Variants in MIPEP observed in about 807,000 individuals in gnomAD.
MIPEP encodes mitochondrial intermediate peptidase.
MIPEP carries 79 observed loss-of-function variants against 90.3 expected under a neutral mutation model. The observed-to-expected ratio is 0.87, with a 90% CI of 0.73 to 1.05. The LOEUF is 1.05. Among genes scored for constraint, MIPEP ranks in the 50% least tolerant of loss-of-function variants. The pLI, the probability that MIPEP is intolerant of heterozygous loss-of-function variation, is 0.00. For missense variants in MIPEP, 940 were observed against 905.6 expected (o/e 1.04, Z -0.49); for synonymous variants, 334 against 315.8 (o/e 1.06, Z -0.61).
Position 23,889,277 on chromosome 13 carries a change from G to A in MIPEP, c.44C>T (p.Ala15Val), listed in dbSNP as rs1163753832. 10 of 1,375,612 alleles carry A rather than the reference G, an allele frequency of 7.3e-6. No individual in the cohort carries two copies. The highest frequency in any genetic ancestry group is 4.4e-4 in the Middle Eastern group (2 of 4,500). The allele number at this position is 1,375,612 out of a possible 1,614,324, so 85.2% of individuals were successfully genotyped here. The change falls in exon 1 of 19, where the codon GCA becomes GTA. Residue 15 changes from alanine (A) to valine (V), a missense_variant. By Grantham distance (64) the Ala-to-Val change is moderately conservative. Coordinates refer to ENST00000382172, the MANE Select transcript of MIPEP (RefSeq NM_005932.4). ...GRLGGLGARAAALPPRRAGRG... is the reference protein window; with the variant it reads ...GRLGGLGARAVALPPRRAGRG... The stretch of plus-strand genomic sequence containing the variant: ...GCCCGCCCGGCGGGGCGGCAGAGCT[G>A]CTGCTCTGGCTCCCAAGCCGCCCAG...
Position 23,883,302 on chromosome 13 carries a change from C to T in MIPEP, c.364-1515G>A, listed in dbSNP as rs185415866. 9.1e-4 allele frequency among the ~76,000 whole-genome samples: 139 copies of T among 151,982 alleles called. 1 individual carries two copies. The highest frequency in any genetic ancestry group is 3.2e-3 in the African/African-American group (132 of 41,426). On this transcript the variant is annotated intron_variant, in intron 2 of 18. Transcript: ENST00000382172. Reference sequence around the variant, plus strand: ...AGATATAGCGCAGAGAAGTTAAAATCTTTTAGTGAAGATCAAAAGCAAAAA... The same window carrying T: ...AGATATAGCGCAGAGAAGTTAAAATTTTTTAGTGAAGATCAAAAGCAAAAA...
chr13:23,752,891 C>G (rs1205237824), intron 18 of MIPEP, among the ~76,000 whole-genome samples: 2 of 151,962 alleles, frequency 1.3e-5, no homozygotes, highest in African/African-American at 4.8e-5. Flanking sequence ...GTACACACAC[C>G]CCACCCCCTT....
rs371629920 is a variant in MIPEP, at chr13:23,841,506, G to A, written c.1107-18C>T. Reference sequence around the variant, plus strand: ...TATTATACCTAAGAGAAGGAAGAGAGGTTCAACAGCATCTTTGTTTATTTC... The same window carrying A: ...TATTATACCTAAGAGAAGGAAGAGAAGTTCAACAGCATCTTTGTTTATTTC... On this transcript the variant is annotated intron_variant, in intron 10 of 18. Transcript: ENST00000382172. 3 of 1,576,552 alleles carry A rather than the reference G, an allele frequency of 1.9e-6. No individual in the cohort carries two copies. The highest frequency in any genetic ancestry group is 2.7e-5 in the African/African-American group (2 of 72,990).
intron 18 of MIPEP, among the ~76,000 whole-genome samples, chr13:23,749,773 C>T (rs1230312219): frequency 6.6e-6 from 1 of 152,166 alleles, no homozygotes; most frequent in Non-Finnish European, 1.5e-5. Context: ...CTCCTCCATG[C>T]CAACATAAAA....
intron 14 of MIPEP, among the ~76,000 whole-genome samples, chr13:23,834,389 A>G (rs1001780011): frequency 2.0e-5 from 3 of 151,856 alleles, no homozygotes; most frequent in African/African-American, 7.3e-5. Flanking sequence ...CCTCCCCAGC[A>G]GTCTAGAGGT....
In MIPEP at chr13:23,813,517, C is replaced by T. The variant is rs939575358; in HGVS notation, c.1654-3593G>A. 2.6e-5 allele frequency among the ~76,000 whole-genome samples: 4 copies of T among 151,968 alleles called. No homozygotes were observed. In the East Asian group the frequency reaches 5.8e-4, roughly 22 times the overall value. ...AAAAAAGTCTGTACATGTTCAGTACCGACACAACCATCCATTTTTCTTCCC... is the reference window on the plus strand; with the variant it reads ...AAAAAAGTCTGTACATGTTCAGTACTGACACAACCATCCATTTTTCTTCCC... On this transcript the variant is annotated intron_variant, in intron 14 of 18. Transcript: ENST00000382172.
intron 14 of MIPEP, among the ~76,000 whole-genome samples, chr13:23,827,123 G>A (rs554998205): frequency 8.6e-5 from 13 of 151,540 alleles, no homozygotes; most frequent in African/African-American, 2.7e-4. Flanking sequence ...TGGTAGCCAC[G>A]TTGGCGGGGA....
At chr13:23,880,483 T>G (rs1472330734) in intron 3 of MIPEP, among the ~76,000 whole-genome samples, 1 of 152,246 alleles carries the variant, frequency 6.6e-6, no homozygotes, top group Non-Finnish European at 1.5e-5. Flanking sequence ...CATACTTCAG[T>G]CTGTATTTGT....
intron 14 of MIPEP, among the ~76,000 whole-genome samples, chr13:23,828,094 C>T (rs1396449612): frequency 6.6e-6 from 1 of 152,166 alleles, no homozygotes; most frequent in Non-Finnish European, 1.5e-5. Context: ...AACAATCTGA[C>T]AGCTCAAAAG....
In MIPEP at chr13:23,799,170, A is replaced by AT. The variant is rs34678080; in HGVS notation, c.1848+6779dup. ...AGGCATGTACCACCACGCGCAGCTG[A>AT]TTTTTTTTTTTTGTATTTTAGTAGA... is the stretch of plus-strand genomic sequence containing the variant. On this transcript the variant is annotated intron_variant, in intron 16 of 18. Transcript: ENST00000382172. Among the ~76,000 whole-genome samples, 230 of 143,372 alleles carry AT rather than the reference A, an allele frequency of 1.6e-3. 2 individuals are homozygous for AT. The highest frequency in any genetic ancestry group is 1.8e-3 in the Non-Finnish European group (118 of 65,330). The allele number at this position is 143,372 out of a possible 152,430, so 94.1% of individuals were successfully genotyped here. A position where few individuals can be genotyped will look rare whatever the true frequency, so the allele number is the denominator to read the frequency against.
At chr13:23,785,525 A>C (rs1282328319) in intron 16 of MIPEP, among the ~76,000 whole-genome samples, 1 of 151,900 alleles carries the variant, frequency 6.6e-6, no homozygotes, top group Non-Finnish European at 1.5e-5. Context: ...ACCCAATGTA[A>C]ATGACGAGTT....
At chr13:23,816,814 G>A (rs915531560) in intron 14 of MIPEP, among the ~76,000 whole-genome samples, 3 of 152,168 alleles carry the variant, frequency 2.0e-5, no homozygotes, top group Admixed American at 6.5e-5. Flanking sequence ...AGAGGAGGCC[G>A]ACAGAAAATG....
intron 17 of MIPEP, among the ~76,000 whole-genome samples, chr13:23,758,869 T>C (rs1952511555): frequency 6.6e-6 from 1 of 152,146 alleles, no homozygotes. Context: ...TAGATTATAG[T>C]CTTAGTCCAG....
At chr13:23,768,360 C>T (rs1952614238) in intron 16 of MIPEP, among the ~76,000 whole-genome samples, 1 of 152,206 alleles carries the variant, frequency 6.6e-6, no homozygotes, top group African/African-American at 2.4e-5. Flanking sequence ...AAACACACCA[C>T]AGAGCTATTT....
chr13:23,880,265 CAAG>C (rs1348846671), intron 3 of MIPEP, among the ~76,000 whole-genome samples: 1 of 152,130 alleles, frequency 6.6e-6, no homozygotes, highest in Non-Finnish European at 1.5e-5. Context: ...AAACACTCAC[CAAG>C]AAGGGCCAGA....
intron 14 of MIPEP, among the ~76,000 whole-genome samples, chr13:23,821,624 C>T (rs1201914666): frequency 2.6e-5 from 4 of 152,146 alleles, no homozygotes; most frequent in Non-Finnish European, 5.9e-5. Context: ...TACCTGGAAC[C>T]AGAAAAGGAA....
chr13:23,825,496 C>T (rs1953356206), intron 14 of MIPEP, among the ~76,000 whole-genome samples: 1 of 152,120 alleles, frequency 6.6e-6, no homozygotes, highest in Non-Finnish European at 1.5e-5. Context: ...AATGAAAGCA[C>T]TAGAATGTTA....
At chr13:23,867,868 A>G (rs1302282553) in intron 7 of MIPEP, among the ~76,000 whole-genome samples, 1 of 152,104 alleles carries the variant, frequency 6.6e-6, no homozygotes, top group Non-Finnish European at 1.5e-5. Context: ...CTACCTCACA[A>G]AGCTGCAGAG....
chr13:23,876,127 T>C (rs1432491782), intron 4 of MIPEP, among the ~76,000 whole-genome samples: 1 of 152,212 alleles, frequency 6.6e-6, no homozygotes, highest in African/African-American at 2.4e-5. Context: ...CATTGATATA[T>C]ATTACCAAAT....
Sources: gnomAD v4.1 joint callset for allele counts (sites outside exome capture counted in the v4.1 genomes callset) on GRCh38, gnomAD v4.1.1 for gene constraint, MANE v1.5 for transcripts, NCBI Gene and HGNC (gene_info 2026-07-23, HGNC 2026-07-21) for gene names.